Variants in NCAPH observed in about 807,000 individuals in gnomAD.
NCAPH encodes non-SMC condensin I complex subunit H.
In NCAPH, 38 loss-of-function variants were observed where a neutral mutation model predicts 85.5. The observed-to-expected ratio is 0.44, with a 90% CI of 0.34 to 0.58. The LOEUF (loss-of-function observed/expected upper bound fraction) is 0.58. Among genes scored for constraint, NCAPH ranks in the 20% least tolerant of loss-of-function variants. The pLI is 0.01. For missense variants in NCAPH, 789 were observed against 916.6 expected (o/e 0.86, Z 1.80); for synonymous variants, 301 against 335.1 (o/e 0.90, Z 1.11).
At position 96,367,379 on chromosome 2, in the gene NCAPH, A is replaced by G; in HGVS notation, c.1998+6A>G. On this transcript the variant is annotated splice_donor_region_variant and intron_variant, in intron 15 of 17. Transcript: ENST00000240423. ...GAAAGGAGGCAGATGCAGAGGTCAG[A>G]TGCTCTTGCCTGTTCTCTAGGTGCC... 3.1e-6 allele frequency: 5 copies of G among 1,604,074 alleles called. No individual in the cohort carries two copies. The highest frequency in any genetic ancestry group is 4.3e-6 in the Non-Finnish European group (5 of 1,171,262).
At chr2:96,342,262 T>G in intron 3 of NCAPH, 122 bp downstream of exon 3, 1 of 965,172 alleles carries the variant, frequency 1.0e-6, no homozygotes, top group Non-Finnish European at 1.6e-6. Flanking sequence ...GTCATCTTAG[T>G]GCTGGTGGTT....
intron 13 of NCAPH, 129 bp from the exon 14 acceptor site, chr2:96,365,747 C>G: frequency 1.1e-6 from 1 of 894,588 alleles, no homozygotes; most frequent in Non-Finnish European, 1.8e-6. Context: ...AGAAGTTCAT[C>G]GTAGTGTAAC....
intron 6 of NCAPH, among the ~76,000 whole-genome samples, 164 bp from the exon 7 acceptor site, chr2:96,351,667 C>CA (rs368668931): frequency 0.02 from 1,054 of 53,412 alleles, 5 homozygotes; most frequent in Middle Eastern, 0.1. Flanking sequence ...GACTCCATCT[C>CA]AAAAAAAAAA....
chr2:96,344,013 A>G (rs986700055), intron 5 of NCAPH, 92 bp from the exon 6 acceptor site: 5 of 1,498,328 alleles, frequency 3.3e-6, no homozygotes, highest in Middle Eastern at 2.0e-4. Context: ...CACATGTTTA[A>G]ATTACGACAG....
chr2:96,338,799 G>C (rs1453622641), intron 1 of NCAPH, among the ~76,000 whole-genome samples: 5 of 152,112 alleles, frequency 3.3e-5, no homozygotes, highest in Non-Finnish European at 5.9e-5. Context: ...TAAACGTGTG[G>C]GGGTTTTTTT....
At position 96,359,129 on chromosome 2, in the gene NCAPH, C is replaced by T. The variant is rs770386752; in HGVS notation, c.1293C>T (p.Phe431=). Residue 431 remains phenylalanine (F), a synonymous_variant, in exon 10 of 18, where the codon TTC becomes TTT. Transcript: ENST00000240423. The stretch of plus-strand genomic sequence containing the variant: ...TGAAACCTGGAGAATATTCTTATTT[C>T]AGTCCTCGGACCATGTCGATGTGGG... ...LSMKPGEYSY[F]SPRTMSMWAG... is the part of the protein sequence containing the mutation. 6.2e-7 allele frequency: 1 copy of T among 1,614,080 alleles called. No homozygotes were observed. The highest frequency in any genetic ancestry group is 8.5e-7 in the Non-Finnish European group (1 of 1,180,044).
chr2:96,344,724 C>G (rs1355763671), intron 6 of NCAPH, among the ~76,000 whole-genome samples: 1 of 152,204 alleles, frequency 6.6e-6, no homozygotes, highest in African/African-American at 2.4e-5. Flanking sequence ...TTTAAATCAT[C>G]TATCTAGCAA....
At chr2:96,337,542 C>T (rs2064231127) in intron 1 of NCAPH, among the ~76,000 whole-genome samples, 1 of 151,780 alleles carries the variant, frequency 6.6e-6, no homozygotes, top group South Asian at 2.1e-4. Flanking sequence ...GCCTCAGCCT[C>T]CCGAGTAGCT....
At chr2:96,343,069 G>C in intron 4 of NCAPH, 97 bp from the exon 5 acceptor site, 5 of 1,507,456 alleles carry the variant, frequency 3.3e-6, no homozygotes, top group Non-Finnish European at 4.5e-6. Flanking sequence ...TTGCTTCCTT[G>C]GGGCAAGTAA....
At chr2:96,365,493 A>G (rs76832333) in intron 13 of NCAPH, among the ~76,000 whole-genome samples, 11,168 of 151,894 alleles carry the variant, frequency 0.074, 953 homozygotes, top group East Asian at 0.26. Flanking sequence ...TATGCCTGCT[A>G]CTGACCAGAT....
intron 9 of NCAPH, 139 bp from the exon 10 acceptor site, chr2:96,358,906 A>G: frequency 1.3e-6 from 1 of 784,816 alleles, no homozygotes; most frequent in Non-Finnish European, 1.9e-6. Flanking sequence ...AAAGTACTTG[A>G]GAAGTAAAAG....
intron 1 of NCAPH, among the ~76,000 whole-genome samples, chr2:96,341,164 A>G (rs6708242): frequency 3.9e-5 from 6 of 152,144 alleles, no homozygotes; most frequent in Non-Finnish European, 4.4e-5. Flanking sequence ...GGAACATTCT[A>G]TTTGTTTTAC....
At chr2:96,360,016 G>C in intron 10 of NCAPH, 127 bp from the exon 11 acceptor site, 1 of 639,978 alleles carries the variant, frequency 1.6e-6, no homozygotes, top group South Asian at 1.7e-5. Flanking sequence ...CTACTGTTGT[G>C]ATGCTCAGAC....
intron 5 of NCAPH, among the ~76,000 whole-genome samples, chr2:96,343,741 C>G (rs1436816910): frequency 8.6e-5 from 13 of 150,996 alleles, no homozygotes; most frequent in Admixed American, 7.3e-4. Context: ...CACTTTGTCA[C>G]CCAGGCTGGT....
chr2:96,341,628 G>A lies in NCAPH; in HGVS notation c.20-14G>A, dbSNP rs1361149615. Reference sequence around the variant, plus strand: ...GTTCTCTTGAAGGTTTCTTGAGCAAGAATTTTGTTCCAGCACTGCCAGCCA... The same window carrying A: ...GTTCTCTTGAAGGTTTCTTGAGCAAAAATTTTGTTCCAGCACTGCCAGCCA... On this transcript the variant is annotated splice_polypyrimidine_tract_variant and intron_variant, in intron 1 of 17. Transcript: ENST00000240423. The A allele has an allele frequency of 6.2e-7, 1 of 1,605,316 alleles. No individual in the cohort carries two copies. Among genetic ancestry groups the A allele is most frequent in the South Asian group, 1.1e-5 (1 of 90,590 alleles).
rs759965120 is a variant in NCAPH at position 96,341,769 on chromosome 2, C to T, written c.147C>T (p.Thr49=). ...PRKAPLNIPG[T]PVLEDFPQND... ...AGGCGCCTCTCAATATTCCTGGCAC[C>T]CCAGTCCTCGAAGACTTTCCTCAGA... The change falls in exon 2 of 18, where the codon ACC becomes ACT. Residue 49 remains threonine (T), a synonymous_variant. Transcript: ENST00000240423. 2.5e-6 allele frequency: 4 copies of T among 1,614,028 alleles called. No individual in the cohort carries two copies. Among genetic ancestry groups the T allele is most frequent in the Non-Finnish European group, 2.5e-6 (3 of 1,180,038 alleles).
chr2:96,368,470 C>G (rs1015809579), intron 15 of NCAPH, among the ~76,000 whole-genome samples: 9 of 152,152 alleles, frequency 5.9e-5, no homozygotes, highest in Admixed American at 4.6e-4. Flanking sequence ...GCCTGGCCAA[C>G]ATGGTGAAAC....
chr2:96,341,408 G>T (rs901367309), intron 1 of NCAPH: 54 of 527,060 alleles, frequency 1.0e-4, no homozygotes, highest in Non-Finnish European at 1.5e-4. Context: ...AATTCACATA[G>T]CTGCAGAGTG....
At chr2:96,366,891 A>AC (rs1330345764) in intron 14 of NCAPH, among the ~76,000 whole-genome samples, 5 of 151,384 alleles carry the variant, frequency 3.3e-5, no homozygotes, top group Non-Finnish European at 5.9e-5. Flanking sequence ...AAAAAAAAAA[A>AC]AAAAAAAAAG....
Sources: gnomAD v4.1 joint callset for allele counts (sites outside exome capture counted in the v4.1 genomes callset) on GRCh38, gnomAD v4.1.1 for gene constraint, MANE v1.5 for transcripts, NCBI Gene and HGNC (gene_info 2026-07-23, HGNC 2026-07-21) for gene names.